Variants in STAT4 observed in about 807,000 individuals in gnomAD.
The protein encoded by STAT4 is signal transducer and activator of transcription 4.
In STAT4, 42 loss-of-function variants were observed where a neutral mutation model predicts 110.5. The observed-to-expected ratio is 0.38, with a 90% confidence interval of 0.30 to 0.49. The LOEUF (loss-of-function observed/expected upper bound fraction) is 0.49, where lower values mean the gene tolerates loss of function less well. Among genes scored for constraint, STAT4 ranks in the 20% least tolerant of loss-of-function variants. STAT4 has a pLI of 0.95. For missense variants in STAT4, 632 were observed against 887.9 expected, an observed-to-expected ratio of 0.71 and a Z score of 3.66; for synonymous variants, 284 against 302.2, an observed-to-expected ratio of 0.94 and a Z score of 0.63.
At chr2:191,073,266 T>C (rs1697217361) in intron 4 of STAT4, 76 bp from the exon 5 acceptor site, 1 of 1,212,980 alleles carries the variant, frequency 8.2e-7, no homozygotes. Context: ...CGCATACAAT[T>C]CGACCTGAGG....
At position 191,059,638 on chromosome 2, in the gene STAT4, G is replaced by A. The variant is rs996968579; in HGVS notation, c.1035-869C>T. 7.9e-5 allele frequency among the ~76,000 whole-genome samples: 12 copies of A among 152,222 alleles called. No individual in the cohort carries two copies. The highest frequency in any genetic ancestry group is 7.8e-4 in the Admixed American group (12 of 15,288). On this transcript the variant is annotated intron_variant, in intron 10 of 23. Coordinates refer to ENST00000392320, the MANE Select transcript of STAT4 (RefSeq NM_003151.4). This position sits in a 1 kb window ranked among gnomAD's most constrained non-coding sequence, Gnocchi z 4.7. ...ACGTGGACGTGGCTCTACATAAAAG[G>A]AGGGAGTCCAGGCACACAAATGGAA...
At chr2:191,120,989 A>G (rs986371929) in intron 3 of STAT4, among the ~76,000 whole-genome samples, 34 of 152,254 alleles carry the variant, frequency 2.2e-4, no homozygotes, top group Admixed American at 1.3e-4. Context: ...CAGGCAACCT[A>G]CAGAGTGGGA....
chr2:191,103,389 C>T (rs1698195169), intron 3 of STAT4, among the ~76,000 whole-genome samples: 1 of 152,034 alleles, frequency 6.6e-6, no homozygotes, highest in Admixed American at 6.6e-5. Flanking sequence ...TGTGTGTTTG[C>T]CTTTTTGTCT....
Position 191,146,369 on chromosome 2 carries a change from T to A in STAT4, c.273+244A>T, listed in dbSNP as rs1699460082. Among the ~76,000 whole-genome samples, 1 of 152,170 alleles carries A rather than the reference T, an allele frequency of 6.6e-6. No individual in the cohort carries two copies. The highest frequency in any genetic ancestry group is 2.4e-5 in the African/African-American group (1 of 41,448). On this transcript the variant is annotated intron_variant, in intron 3 of 23. Coordinates refer to ENST00000392320, the MANE Select transcript of STAT4 (RefSeq NM_003151.4). The surrounding 1 kb of genome is among the most constrained non-coding windows in gnomAD (Gnocchi z 4.5). ...AATCATAGCTAGTAAACAAGATACA[T>A]GCAAGTCCCACATGCAACACACTTG...
intron 16 of STAT4, among the ~76,000 whole-genome samples, chr2:191,038,610 C>T (rs562792339): frequency 3.2e-4 from 48 of 152,278 alleles, no homozygotes; most frequent in African/African-American, 1.2e-3. Context: ...ACTCCCTTCC[C>T]TGGTTGTCTT....
chr2:191,109,514 CA>C (rs1378546712), intron 3 of STAT4, among the ~76,000 whole-genome samples: 1 of 152,120 alleles, frequency 6.6e-6, no homozygotes, highest in Non-Finnish European at 1.5e-5. Context: ...GCTATGAATT[CA>C]CCAGTTCACA....
At chr2:191,069,147 A>G (rs72913182) in intron 6 of STAT4, among the ~76,000 whole-genome samples, 6,312 of 152,126 alleles carry the variant, frequency 0.041, 140 homozygotes, top group Middle Eastern at 0.078. Context: ...ACATACAGAG[A>G]AAAGGCTGGA....
intron 5 of STAT4, among the ~76,000 whole-genome samples, chr2:191,070,179 C>T (rs117820973): frequency 6.6e-6 from 1 of 152,114 alleles, no homozygotes; most frequent in Non-Finnish European, 1.5e-5. Flanking sequence ...TTTAAATATG[C>T]TGTAGCTTAT....
intron 6 of STAT4, chr2:191,068,327 T>C (rs941931196): frequency 6.6e-6 from 1 of 152,190 alleles, no homozygotes; most frequent in African/African-American, 2.4e-5. Context: ...AAATTTACAG[T>C]TGTTCTAAAC....
At position 191,053,066 on chromosome 2, in the gene STAT4, GTAGGGCA is replaced by G. The variant is rs1021827861; in HGVS notation, c.1251+1417_1251+1423del. 9.9e-5 allele frequency among the ~76,000 whole-genome samples: 15 copies of G among 152,194 alleles called. No individual in the cohort carries two copies. Among genetic ancestry groups the G allele is most frequent in the Admixed American group, 6.5e-5 (1 of 15,288 alleles). On this transcript the variant is annotated intron_variant, in intron 14 of 23. Coordinates refer to ENST00000392320, the MANE Select transcript of STAT4 (RefSeq NM_003151.4). The surrounding 1 kb of genome is among the most constrained non-coding windows in gnomAD (Gnocchi z 4.5). ...TGAAGAATTCTTGGAGGGCAAAATG[GTAGGGCA>G]TTAAATCTTTTGTGATGGATCTTTA...
At position 191,061,791 on chromosome 2, in the gene STAT4, C is replaced by G; in HGVS notation, c.972G>C (p.Met324Ile). Residue 324 changes from methionine to isoleucine, a missense_variant, in exon 10 of 24, where the codon ATG becomes ATC. Physicochemically the swap from Met to Ile is conservative, Grantham distance 10. This residue lies in a region of STAT4 where 488 missense variants were observed against 632.8 expected (regional missense o/e 0.77). Coordinates refer to ENST00000392320, the MANE Select transcript of STAT4 (RefSeq NM_003151.4). The surrounding 1 kb of genome is among the most constrained non-coding windows in gnomAD (Gnocchi z 6.2). ...CCAACGGCCTCTGAGGGTGGGTTGG[C>G]ATACATGGCTGTCGCTCAACCACAA... is the stretch of plus-strand genomic sequence containing the variant. ...NSFVVERQPCMPTHPQRPLVL... is the reference protein window; with the variant it reads ...NSFVVERQPCIPTHPQRPLVL... The G allele has an allele frequency of 6.2e-7, 1 of 1,612,436 alleles. No individual in the cohort carries two copies. The highest frequency in any genetic ancestry group is 8.5e-7 in the Non-Finnish European group (1 of 1,179,596).
At chr2:191,134,293 T>C (rs1355109376) in intron 3 of STAT4, among the ~76,000 whole-genome samples, 1 of 152,206 alleles carries the variant, frequency 6.6e-6, no homozygotes, top group Non-Finnish European at 1.5e-5. Context: ...GCCCATGCCA[T>C]ACTGCCTGCC....
rs750431303 is a variant in STAT4 at position 191,029,793 on chromosome 2, A to G, written c.*47T>C. On this transcript the variant is annotated 3_prime_UTR_variant, in exon 24 of 24. Coordinates refer to ENST00000392320, the MANE Select transcript of STAT4 (RefSeq NM_003151.4). This position sits in a 1 kb window ranked among gnomAD's most constrained non-coding sequence, Gnocchi z 4.5. ...GGTTATTGGGCAAAGAACAGTCTTT[A>G]AACTTTTTCATTTGCTTCCTTTCTT... 5 of 1,570,098 alleles carry G rather than the reference A, an allele frequency of 3.2e-6. No homozygotes were observed. The Admixed American group carries it at 7.1e-5, about 22-fold the overall frequency.
Position 191,143,144 on chromosome 2 carries a change from A to T in STAT4, c.273+3469T>A, listed in dbSNP as rs1231690787. 6.6e-6 allele frequency among the ~76,000 whole-genome samples: 1 copy of T among 152,234 alleles called. No individual in the cohort carries two copies. Among genetic ancestry groups the T allele is most frequent in the Non-Finnish European group, 1.5e-5 (1 of 68,034 alleles). On this transcript the variant is annotated intron_variant, in intron 3 of 23. Coordinates refer to ENST00000392320, the MANE Select transcript of STAT4 (RefSeq NM_003151.4). The surrounding 1 kb of genome is among the most constrained non-coding windows in gnomAD (Gnocchi z 5.6). The stretch of plus-strand genomic sequence containing the variant: ...TGTAAACCTAAAACTACTCTTAAAA[A>T]TAAACTGCACTAATTTTTTTAAGGT...
intron 8 of STAT4, among the ~76,000 whole-genome samples, chr2:191,063,357 T>C (rs1008120499): frequency 2.6e-5 from 4 of 152,216 alleles, no homozygotes; most frequent in Admixed American, 6.5e-5. Flanking sequence ...GAAAAACATA[T>C]GTAACCGATC....
rs1339177652 is a variant in STAT4 at position 191,147,469 on chromosome 2, A to C, written c.128+607T>G. ...GTACCTAGAGTAGTCAAATTCACAG[A>C]GACAGAAAATAGAATGGTGATTGCC... On this transcript the variant is annotated intron_variant, in intron 2 of 23. Transcript: ENST00000392320. The surrounding 1 kb of genome is among the most constrained non-coding windows in gnomAD (Gnocchi z 4.1). Among the ~76,000 whole-genome samples the C allele has an allele frequency of 6.6e-6, 1 of 152,190 alleles. No homozygotes were observed. The highest frequency in any genetic ancestry group is 1.5e-5 in the Non-Finnish European group (1 of 68,008).
At chr2:191,063,888 G>T (rs1696914638) in intron 8 of STAT4, among the ~76,000 whole-genome samples, 2 of 152,286 alleles carry the variant, frequency 1.3e-5, no homozygotes, top group South Asian at 4.1e-4. Context: ...TAGTGAGGGG[G>T]TCCCCAGTTA....
At chr2:191,123,924 T>C (rs1698807122) in intron 3 of STAT4, among the ~76,000 whole-genome samples, 1 of 152,160 alleles carries the variant, frequency 6.6e-6, no homozygotes, top group Non-Finnish European at 1.5e-5. Context: ...AGTTGAAAAA[T>C]TGTAAGCCAA....
At chr2:191,094,663 T>C (rs1420727862) in intron 3 of STAT4, among the ~76,000 whole-genome samples, 1 of 152,082 alleles carries the variant, frequency 6.6e-6, no homozygotes, top group Non-Finnish European at 1.5e-5. Flanking sequence ...CCATTGATGC[T>C]AGGAAGAAAC....
Sources: allele counts gnomAD v4.1 joint callset (sites outside exome capture counted in the v4.1 genomes callset), GRCh38; gene constraint gnomAD v4.1.1; regional missense constraint gnomAD v4.1.1; non-coding constraint Gnocchi (gnomAD v3.1); transcripts MANE v1.5; gene names NCBI Gene and HGNC (gene_info 2026-07-23, HGNC 2026-07-21).